Variants in ORC4 observed in about 807,000 individuals in gnomAD.
The protein encoded by ORC4 is origin recognition complex, subunit 4 homolog.
In ORC4, 55 loss-of-function variants were observed where a neutral mutation model predicts 63.9. That is an observed-to-expected ratio of 0.86 (90% confidence interval 0.69 to 1.08). The LOEUF (loss-of-function observed/expected upper bound fraction) is 1.08. Among genes scored for constraint, ORC4 ranks in the 50% least tolerant of loss-of-function variants. The pLI, the probability that ORC4 is intolerant of heterozygous loss-of-function variation, is 0.00. For missense variants in ORC4, 511 were observed against 504.4 expected (o/e 1.01, Z -0.13); for synonymous variants, 150 against 168.5 (o/e 0.89, Z 0.85).
intron 4 of ORC4, among the ~76,000 whole-genome samples, chr2:147,965,039 A>G (rs1192160402): frequency 6.6e-6 from 1 of 152,216 alleles, no homozygotes; most frequent in Non-Finnish European, 1.5e-5. Context: ...TCACTAGACC[A>G]GACCTATAAG....
chr2:147,988,821 G>T, intron 1 of ORC4, among the ~76,000 whole-genome samples: 1 of 151,360 alleles, frequency 6.6e-6, no homozygotes, highest in South Asian at 2.1e-4. Flanking sequence ...TACTTCATCT[G>T]GAATTTTAAA....
intron 1 of ORC4, among the ~76,000 whole-genome samples, chr2:148,001,335 T>G (rs1443039724): frequency 1.3e-5 from 2 of 152,150 alleles, no homozygotes; most frequent in Admixed American, 1.3e-4. Flanking sequence ...TCTAATTTCA[T>G]TAACTTGGCT....
chr2:147,994,196 C>T (rs1430512459), intron 1 of ORC4, among the ~76,000 whole-genome samples: 3 of 152,142 alleles, frequency 2.0e-5, no homozygotes, highest in Non-Finnish European at 4.4e-5. Context: ...CTATAAAACT[C>T]TGATTCAAGA....
chr2:148,016,189 C>T (rs780992536), intron 1 of ORC4, among the ~76,000 whole-genome samples: 3 of 152,096 alleles, frequency 2.0e-5, no homozygotes, highest in Non-Finnish European at 2.9e-5. Context: ...ATTTCTCAAT[C>T]GGACTGTGAG....
chr2:148,004,734 T>C (rs1014287049), intron 1 of ORC4, among the ~76,000 whole-genome samples: 5 of 151,714 alleles, frequency 3.3e-5, no homozygotes, highest in Non-Finnish European at 7.4e-5. Flanking sequence ...CCAAAAGCAA[T>C]GGCAACAAAA....
rs184320891 is a variant in ORC4, at chr2:147,977,024, A to C, written c.-17-1049T>G. On this transcript the variant is annotated intron_variant, in intron 1 of 13. Coordinates refer to ENST00000392857, the MANE Select transcript of ORC4 (RefSeq NM_181741.4). Reference sequence around the variant, plus strand: ...GAATAAATTTTAACAGATAGACAGTAACAGCTTAAGCAGTGTTTAGGTATC... The same window carrying C: ...GAATAAATTTTAACAGATAGACAGTCACAGCTTAAGCAGTGTTTAGGTATC... 1.7e-3 allele frequency among the ~76,000 whole-genome samples: 266 copies of C among 152,356 alleles called. 1 individual carries two copies. Among genetic ancestry groups the C allele is most frequent in the Non-Finnish European group, 2.7e-3 (184 of 68,026 alleles).
intron 11 of ORC4, chr2:147,938,791 CT>C: frequency 1.8e-5 from 6 of 336,566 alleles, no homozygotes; most frequent in Non-Finnish European, 2.2e-5. Flanking sequence ...CTGTGTATTC[CT>C]TTTTTCCCCG....
At chr2:147,937,213 T>C (rs1269228602) in intron 13 of ORC4, among the ~76,000 whole-genome samples, 3 of 152,112 alleles carry the variant, frequency 2.0e-5, no homozygotes, top group African/African-American at 7.2e-5. Context: ...CTAGGGCCTA[T>C]AAGGGATGCC....
chr2:147,982,043 A>G (rs951351033), intron 1 of ORC4: 2 of 152,146 alleles, frequency 1.3e-5, no homozygotes, highest in African/African-American at 4.8e-5. Flanking sequence ...CCAGGTAGCT[A>G]AGGCCTCAGC....
At chr2:147,993,871 C>T (rs1273988713) in intron 1 of ORC4, among the ~76,000 whole-genome samples, 1 of 152,178 alleles carries the variant, frequency 6.6e-6, no homozygotes, top group African/African-American at 2.4e-5. Context: ...CTCAAATACA[C>T]TGTTTTATTA....
chr2:147,988,885 T>C (rs1032316537), intron 1 of ORC4, among the ~76,000 whole-genome samples: 1 of 152,224 alleles, frequency 6.6e-6, no homozygotes, highest in Admixed American at 6.5e-5. Context: ...ATAGGGCATT[T>C]TGAAAATGTT....
Position 147,933,398 on chromosome 2 carries a change from C to T in ORC4, c.*2112G>A, listed in dbSNP as rs1168920763. On this transcript the variant is annotated 3_prime_UTR_variant, in exon 14 of 14. Transcript: ENST00000392857. ...CAACAAGCAGCACTGTTCCTCCCCA[C>T]AAAAATGCCTTGGGAATATAATAGG... 4 of 152,148 alleles carry T rather than the reference C, an allele frequency of 2.6e-5. No individual in the cohort carries two copies. Among genetic ancestry groups the T allele is most frequent in the South Asian group, 4.2e-4 (2 of 4,818 alleles). The allele number at this position is 152,148 out of a possible 1,614,324, so 9.4% of individuals were successfully genotyped here.
intron 1 of ORC4, among the ~76,000 whole-genome samples, chr2:147,981,602 C>A (rs538094361): frequency 1.3e-5 from 2 of 152,140 alleles, no homozygotes; most frequent in Admixed American, 1.3e-4. Context: ...TGTGAGGTAA[C>A]AGATATATTA....
intron 1 of ORC4, among the ~76,000 whole-genome samples, chr2:147,996,280 G>A (rs1471832878): frequency 6.6e-6 from 1 of 152,144 alleles, no homozygotes; most frequent in East Asian, 1.9e-4. Context: ...CTCAAGCCTG[G>A]TGACAGAGTG....
chr2:148,000,303 G>C (rs115072219), intron 1 of ORC4, among the ~76,000 whole-genome samples: 2,832 of 152,118 alleles, frequency 0.019, 43 homozygotes, highest in Middle Eastern at 0.031. Context: ...ATACAACAAA[G>C]AGAAACATTT....
chr2:147,980,027 G>C (rs1690782848), intron 1 of ORC4, among the ~76,000 whole-genome samples: 1 of 152,086 alleles, frequency 6.6e-6, no homozygotes, highest in African/African-American at 2.4e-5. Context: ...TTTGGGATAT[G>C]ACTCCAAAAG....
chr2:147,981,945 C>G (rs1296529891), intron 1 of ORC4: 1 of 152,186 alleles, frequency 6.6e-6, no homozygotes, highest in Non-Finnish European at 1.5e-5. Context: ...ATGCTGTTTT[C>G]TTCTCTAGAA....
intron 9 of ORC4, among the ~76,000 whole-genome samples, chr2:147,945,678 T>C (rs1688620905): frequency 6.6e-6 from 1 of 152,150 alleles, no homozygotes; most frequent in African/African-American, 2.4e-5. Context: ...TTAGGCAGGA[T>C]ATCAAGGTTC....
At chr2:147,998,837 G>T (rs1410034949) in intron 1 of ORC4, among the ~76,000 whole-genome samples, 4 of 152,066 alleles carry the variant, frequency 2.6e-5, no homozygotes, top group Non-Finnish European at 5.9e-5. Flanking sequence ...ATAAGATAAA[G>T]GTTAAAAAGA....
Sources: allele counts gnomAD v4.1 joint callset (sites outside exome capture counted in the v4.1 genomes callset), GRCh38; gene constraint gnomAD v4.1.1; transcripts MANE v1.5; gene names NCBI Gene and HGNC (gene_info 2026-07-23, HGNC 2026-07-21).